The following SYN2 variants were observed in gnomAD, a reference collection of about 807,000 sequenced individuals.
The protein encoded by SYN2 is synapsin-2.
A neutral mutation model predicts 50.9 loss-of-function variants in SYN2; 19 were observed. That is an observed-to-expected ratio of 0.37 (90% CI 0.26 to 0.55). The LOEUF is 0.55. Ranked by LOEUF, SYN2 falls within the 20% of genes least tolerant of loss-of-function variation. The probability of loss-of-function intolerance (pLI) is 0.81; values close to 1 mark genes in which losing one functional copy is unlikely to be tolerated. For missense variants in SYN2, 587 were observed against 576.4 expected (o/e 1.02, Z -0.19); for synonymous variants, 255 against 224.9 (o/e 1.13, Z -1.20).
intron 1 of SYN2, among the ~76,000 whole-genome samples, chr3:12,033,884 ATTTCC>A (rs1694436165): frequency 6.6e-6 from 1 of 152,134 alleles, no homozygotes. Flanking sequence ...TACACACAAT[ATTTCC>A]TTTATAGATA....
At position 12,187,595 on chromosome 3, in the gene SYN2, G is replaced by C; in HGVS notation, c.1596G>C (p.Gln532His). 1 of 1,549,964 alleles carries C rather than the reference G, an allele frequency of 6.5e-7. No homozygotes were observed. The change falls in exon 12 of 13, where the codon CAG becomes CAC. Residue 532 changes from glutamine to histidine, a missense_variant. By Grantham distance (24) the Gln-to-His change is conservative. Transcript: ENST00000621198. ...PPLAAPPQKP[Q>H]PHPQLNKSQS... Reference sequence around the variant, plus strand: ...TGGCTGCTCCACCACAGAAGCCCCAGCCTCACCCACAGCTCAAGTAAGAGA... The same window carrying C: ...TGGCTGCTCCACCACAGAAGCCCCACCCTCACCCACAGCTCAAGTAAGAGA...
At chr3:12,159,258 A>T (rs764428323) in intron 5 of SYN2, 23 of 176,174 alleles carry the variant, frequency 1.3e-4, no homozygotes, top group Non-Finnish European at 2.6e-4. Context: ...AGGCACAGAC[A>T]GAAAGAGTGA....
chr3:12,092,554 C>T (rs1259715521), intron 1 of SYN2, among the ~76,000 whole-genome samples: 1 of 152,162 alleles, frequency 6.6e-6, no homozygotes, highest in Non-Finnish European at 1.5e-5. Flanking sequence ...TTATTCCAAG[C>T]AGATCTTTCT....
chr3:12,183,747 A>G, intron 11 of SYN2: 5 of 1,155,876 alleles, frequency 4.3e-6, no homozygotes, highest in Non-Finnish European at 3.2e-6. Context: ...GGGTGGTTTG[A>G]TAGTGTTTTT....
intron 1 of SYN2, among the ~76,000 whole-genome samples, chr3:12,046,302 G>A (rs1694737261): frequency 6.6e-6 from 1 of 152,152 alleles, no homozygotes; most frequent in African/African-American, 2.4e-5. Context: ...ATAGGAGTTG[G>A]CTAGGTAAAT....
chr3:12,135,738 AG>A (rs1456187166), intron 1 of SYN2, among the ~76,000 whole-genome samples: 1 of 152,188 alleles, frequency 6.6e-6, no homozygotes, highest in African/African-American at 2.4e-5. Flanking sequence ...CTGCAGAAAT[AG>A]GCTCTGTCCT....
At chr3:12,035,212 T>G (rs378006) in intron 1 of SYN2, among the ~76,000 whole-genome samples, 112,648 of 152,132 alleles carry the variant, frequency 0.74, 41,914 homozygotes, top group Admixed American at 0.8. Context: ...CATCTTCGGG[T>G]CACTCTGGGT....
intron 10 of SYN2, among the ~76,000 whole-genome samples, chr3:12,179,746 C>A (rs539504278): frequency 3.7e-4 from 57 of 152,192 alleles, no homozygotes; most frequent in Admixed American, 5.9e-4. Flanking sequence ...CTGCTAGCAT[C>A]ACCCTTAAGA....
chr3:12,110,779 A>G (rs1221471528), intron 1 of SYN2, among the ~76,000 whole-genome samples: 1 of 152,196 alleles, frequency 6.6e-6, no homozygotes, highest in Non-Finnish European at 1.5e-5. Flanking sequence ...TCAGACTTGC[A>G]TGGGGCCTGC....
At chr3:12,076,563 A>C (rs1410596613) in intron 1 of SYN2, among the ~76,000 whole-genome samples, 1 of 151,964 alleles carries the variant, frequency 6.6e-6, no homozygotes, top group African/African-American at 2.4e-5. Flanking sequence ...TGGAAAAAAA[A>C]AATGATTTCA....
At chr3:12,026,871 A>G (rs996214813) in intron 1 of SYN2, among the ~76,000 whole-genome samples, 6 of 152,246 alleles carry the variant, frequency 3.9e-5, no homozygotes, top group Admixed American at 1.3e-4. Context: ...TGATCCACAC[A>G]GCAGTGTTTG....
intron 5 of SYN2, among the ~76,000 whole-genome samples, chr3:12,156,574 A>T (rs553207993): frequency 6.6e-6 from 1 of 152,358 alleles, no homozygotes. Context: ...CTGGGTGAGC[A>T]GCCTGTCCTT....
At position 12,145,796 on chromosome 3, in the gene SYN2, A is replaced by G. The variant is rs1195201755; in HGVS notation, c.645A>G (p.Ser215=). ...MQYAGLPSIN[S]LESIYNFCDK... ...ATGCAGGCCTCCCCAGCATCAACTC[A>G]CTGGAATCCATATACAACTTCTGTG... The change falls in exon 4 of 13, where the codon TCA becomes TCG. Residue 215 remains serine, a synonymous_variant. Transcript: ENST00000621198. The G allele has an allele frequency of 6.2e-7, 1 of 1,613,932 alleles. No individual in the cohort carries two copies. The highest frequency in any genetic ancestry group is 1.1e-5 in the South Asian group (1 of 91,080).
chr3:12,190,792 G>GC lies in SYN2; in HGVS notation c.*167_*168insC, dbSNP rs370148499. The GC allele has an allele frequency of 4.9e-4, 677 of 1,386,040 alleles. 2 individuals carry two copies. The African/African-American group carries it at 8.2e-3, about 17-fold the overall frequency. 85.9% of individuals were successfully genotyped at this position (1,386,040 alleles called of 1,614,324 possible). A position where few individuals can be genotyped will look rare whatever the true frequency, so the allele number is the denominator to read the frequency against. On this transcript the variant is annotated 3_prime_UTR_variant, in exon 13 of 13. Transcript: ENST00000621198. Reference sequence around the variant, plus strand: ...TTGTGCAGCCCAGAAAGGACCATTTGACAGTCTCAGGGCAGGTGCCTACCC... The same window carrying GC: ...TTGTGCAGCCCAGAAAGGACCATTTGCACAGTCTCAGGGCAGGTGCCTACCC...
chr3:12,021,599 A>T (rs4549255), intron 1 of SYN2, among the ~76,000 whole-genome samples: 7,310 of 152,106 alleles, frequency 0.048, 246 homozygotes, highest in East Asian at 0.14. Context: ...ATAAATTTTT[A>T]AAAATGTGAA....
intron 7 of SYN2, 101 bp from the exon 8 acceptor site, chr3:12,167,133 G>T: frequency 8.5e-7 from 1 of 1,181,286 alleles, no homozygotes; most frequent in South Asian, 1.3e-5. Context: ...GGAGAAGCAG[G>T]TGTGGAAAGC....
chr3:12,084,205 A>C (rs1695641004), intron 1 of SYN2, among the ~76,000 whole-genome samples: 1 of 152,130 alleles, frequency 6.6e-6, no homozygotes, highest in Admixed American at 6.5e-5. Context: ...TTTCTTAATT[A>C]TGTCTTTTGA....
intron 1 of SYN2, among the ~76,000 whole-genome samples, chr3:12,101,707 T>C (rs1263401406): frequency 6.6e-6 from 1 of 152,100 alleles, no homozygotes; most frequent in African/African-American, 2.4e-5. Flanking sequence ...AAAATGGAGG[T>C]AAATTACTTC....
chr3:12,124,407 T>C (rs1696621796), intron 1 of SYN2, among the ~76,000 whole-genome samples: 1 of 152,132 alleles, frequency 6.6e-6, no homozygotes, highest in Non-Finnish European at 1.5e-5. Flanking sequence ...ATGTCCTTTT[T>C]TTAGAAAAGA....
Sources: allele counts gnomAD v4.1 joint callset (sites outside exome capture counted in the v4.1 genomes callset), GRCh38; gene constraint gnomAD v4.1.1; transcripts MANE v1.5; gene names NCBI Gene and HGNC (gene_info 2026-07-23, HGNC 2026-07-21).